MIB1: variants seen among roughly 807,000 people sequenced by gnomAD.
MIB1 encodes MIB E3 ubiquitin protein ligase 1, also known as E3 ubiquitin-protein ligase MIB1.
A neutral mutation model predicts 124.5 loss-of-function variants in MIB1; 278 were observed. The ratio of observed to expected loss-of-function variants is 2.23; its 90% CI spans 2.02 to 2.47. The LOEUF (loss-of-function observed/expected upper bound fraction) is 2.47, where lower values mean the gene tolerates loss of function less well. Among genes scored for constraint, MIB1 ranks in the 30% most tolerant of loss-of-function variants. The pLI is 0.00. For missense variants in MIB1, 957 were observed against 1,254.4 expected, an observed-to-expected ratio of 0.76 and a Z score of 3.58; for synonymous variants, 446 against 429.4, an observed-to-expected ratio of 1.04 and a Z score of -0.48.
chr18:21,734,194 C>A, intron 1 of MIB1, among the ~76,000 whole-genome samples: 1 of 151,172 alleles, frequency 6.6e-6, no homozygotes, highest in Non-Finnish European at 1.5e-5. Context: ...GCAAGCTCCG[C>A]CTCCCGGGTT....
intron 12 of MIB1, among the ~76,000 whole-genome samples, chr18:21,822,219 A>G (rs1036664771): frequency 2.0e-5 from 3 of 152,252 alleles, no homozygotes; most frequent in Admixed American, 6.5e-5. Flanking sequence ...TATTGAGGGA[A>G]TATGAAATCA....
chr18:21,847,899 A>G (rs955751345), intron 16 of MIB1, among the ~76,000 whole-genome samples: 21 of 152,230 alleles, frequency 1.4e-4, no homozygotes, highest in Admixed American at 1.1e-3. Flanking sequence ...ATAGATGTAC[A>G]AAAAGGTACA....
chr18:21,742,010 AC>A (rs1053108889), intron 1 of MIB1, among the ~76,000 whole-genome samples, 198 bp downstream of exon 1: 2 of 152,068 alleles, frequency 1.3e-5, no homozygotes, highest in African/African-American at 4.8e-5. Flanking sequence ...AAGACCCTCT[AC>A]CCCCAAGGGA....
At chr18:21,771,475 T>C (rs2041223273) in intron 3 of MIB1, among the ~76,000 whole-genome samples, 1 of 152,222 alleles carries the variant, frequency 6.6e-6, no homozygotes, top group Non-Finnish European at 1.5e-5. Flanking sequence ...AAGGAACTTT[T>C]TGCTACAGAT....
intron 1 of MIB1, among the ~76,000 whole-genome samples, chr18:21,714,560 G>A (rs1342692282): frequency 1.3e-5 from 2 of 152,046 alleles, no homozygotes; most frequent in Admixed American, 6.6e-5. Flanking sequence ...TTGGCCTTTC[G>A]GTGCACTACA....
chr18:21,806,728 A>G (rs2041712264), intron 10 of MIB1, among the ~76,000 whole-genome samples: 1 of 150,760 alleles, frequency 6.6e-6, no homozygotes, highest in African/African-American at 2.4e-5. Flanking sequence ...GGTTCACGCC[A>G]TTCTCCCGCC....
intron 1 of MIB1, among the ~76,000 whole-genome samples, chr18:21,727,077 A>T (rs1363794675): frequency 6.6e-6 from 1 of 152,132 alleles, no homozygotes; most frequent in African/African-American, 2.4e-5. Flanking sequence ...CTAAGTGGGC[A>T]TTGGAAAGTA....
intron 3 of MIB1, among the ~76,000 whole-genome samples, chr18:21,771,118 A>G (rs1046271570): frequency 2.6e-5 from 4 of 152,226 alleles, no homozygotes; most frequent in South Asian, 2.1e-4. Flanking sequence ...TGTCAGATGT[A>G]TCCTTTACAG....
intron 1 of MIB1, among the ~76,000 whole-genome samples, chr18:21,743,309 A>C (rs2040876396): frequency 6.6e-6 from 1 of 152,184 alleles, no homozygotes; most frequent in Admixed American, 6.5e-5. Flanking sequence ...CGTTTCTTTC[A>C]CTAAATTATA....
chr18:21,809,792 C>T (rs2041750287), intron 10 of MIB1, among the ~76,000 whole-genome samples: 1 of 151,994 alleles, frequency 6.6e-6, no homozygotes, highest in Non-Finnish European at 1.5e-5. Context: ...CCACAGTGAA[C>T]ATGATATTCA....
rs1360832506 is a variant in MIB1 at position 21,724,724 on chromosome 18, AAAAATATATATATATAT to A, written n.167+19603_167+19619del. 6.5e-5 allele frequency among the ~76,000 whole-genome samples: 4 copies of A among 61,362 alleles called. No homozygotes were observed. The East Asian group carries it at 1.4e-3, about 21-fold the overall frequency. The allele number at this position is 61,362 out of a possible 152,430, so 40.3% of individuals were successfully genotyped here. A position where few individuals can be genotyped will look rare whatever the true frequency, so the allele number is the denominator to read the frequency against. ...TGTCTCCCCCATCCAAAAAAAAAAA[AAAAATATATATATATAT>A]ATATATATATATATATATATATATA... On this transcript the variant is annotated intron_variant and non_coding_transcript_variant, in intron 1 of 20. Coordinates refer to the MIB1 transcript ENST00000578646.
At chr18:21,743,709 A>T (rs942572881) in intron 1 of MIB1, among the ~76,000 whole-genome samples, 16 of 152,196 alleles carry the variant, frequency 1.1e-4, no homozygotes, top group Admixed American at 7.9e-4. Context: ...CTCAAGCTAA[A>T]GTCTGACCAC....
intron 13 of MIB1, among the ~76,000 whole-genome samples, 159 bp from the exon 14 acceptor site, chr18:21,842,972 T>C (rs911437875): frequency 6.6e-6 from 1 of 152,216 alleles, no homozygotes; most frequent in Non-Finnish European, 1.5e-5. Context: ...TTTTCTACTT[T>C]AACAGCAACT....
intron 1 of MIB1, among the ~76,000 whole-genome samples, chr18:21,756,300 T>C (rs1436654621): frequency 6.6e-6 from 1 of 152,128 alleles, no homozygotes; most frequent in East Asian, 1.9e-4. Context: ...ATGGTGGAGA[T>C]TCAAATCTTG....
intron 1 of MIB1, among the ~76,000 whole-genome samples, chr18:21,764,749 C>T (rs1180884502): frequency 6.6e-6 from 1 of 151,352 alleles, no homozygotes; most frequent in Non-Finnish European, 1.5e-5. Context: ...CAAAACAAAA[C>T]AAAACAAAAA....
chr18:21,800,568 C>T (rs1322949173), intron 9 of MIB1, among the ~76,000 whole-genome samples: 1 of 152,060 alleles, frequency 6.6e-6, no homozygotes, highest in Non-Finnish European at 1.5e-5. Flanking sequence ...TGTGCTTTGG[C>T]TTTGGCATTG....
At position 21,814,589 on chromosome 18, in the gene MIB1, T is replaced by C. The variant is rs2146472744; in HGVS notation, c.1480-1027T>C. ...GAACAGGACCCTGATTCTTTTTTTA[T>C]TGAGAGGCAGTCTTGCTCTGTCGCT... On this transcript the variant is annotated intron_variant, in intron 10 of 20. Coordinates refer to ENST00000261537, the MANE Select transcript of MIB1 (RefSeq NM_020774.4). Among the ~76,000 whole-genome samples the C allele has an allele frequency of 3.3e-5, 5 of 152,038 alleles. No homozygotes were observed. The South Asian group carries it at 1.0e-3, about 32-fold the overall frequency.
intron 7 of MIB1, among the ~76,000 whole-genome samples, chr18:21,794,646 G>A (rs963366228): frequency 6.6e-6 from 1 of 152,048 alleles, no homozygotes; most frequent in Admixed American, 6.6e-5. Flanking sequence ...CAAACACTGG[G>A]CTATATTCTG....
chr18:21,731,549 C>T (rs537837544), intron 1 of MIB1, among the ~76,000 whole-genome samples: 18 of 151,938 alleles, frequency 1.2e-4, no homozygotes, highest in East Asian at 3.9e-4. Context: ...TTGGCTAACA[C>T]GGTGAAACCC....
Sources: gnomAD v4.1 joint callset for allele counts (sites outside exome capture counted in the v4.1 genomes callset) on GRCh38, gnomAD v4.1.1 for gene constraint, MANE v1.5 for transcripts, NCBI Gene and HGNC (gene_info 2026-07-23, HGNC 2026-07-21) for gene names.